Variants in KIDINS220 observed in about 807,000 individuals in gnomAD.
KIDINS220 encodes kinase D interacting substrate 220.
KIDINS220 carries 63 observed loss-of-function variants against 157.6 expected under a neutral mutation model. The ratio of observed to expected loss-of-function variants is 0.40; its 90% confidence interval spans 0.33 to 0.49. The LOEUF is 0.49. Ranked by LOEUF, KIDINS220 falls within the 20% of genes least tolerant of loss-of-function variation. The pLI is 0.66. For missense variants in KIDINS220, 1,772 were observed against 2,171.2 expected (o/e 0.82, Z 3.65); for synonymous variants, 732 against 783.6 (o/e 0.93, Z 1.10).
At chr2:8,743,997 T>C (rs1331358727) in intron 26 of KIDINS220, among the ~76,000 whole-genome samples, 2 of 150,602 alleles carry the variant, frequency 1.3e-5, no homozygotes, top group Non-Finnish European at 3.0e-5. Context: ...TTTAAAAAGC[T>C]AGCATGGAGG....
chr2:8,726,977 T>G, downstream of KIDINS220: 1 of 1,250,816 alleles, frequency 8.0e-7, no homozygotes, highest in Non-Finnish European at 1.0e-6. Flanking sequence ...TATGTAAGAT[T>G]GTAAATTCTC....
chr2:8,745,307 A>G (rs1666386930), intron 26 of KIDINS220, among the ~76,000 whole-genome samples: 3 of 152,232 alleles, frequency 2.0e-5, no homozygotes, highest in Admixed American at 1.3e-4. Flanking sequence ...GCATATAGTG[A>G]TGATGACCCA....
chr2:8,818,708 T>C lies in KIDINS220; in HGVS notation c.194A>G (p.Asn65Ser), dbSNP rs990880102. 9.6e-6 allele frequency: 15 copies of C among 1,569,490 alleles called. No homozygotes were observed. Among genetic ancestry groups the C allele is most frequent in the Non-Finnish European group, 1.2e-5 (14 of 1,142,640 alleles). Residue 65 changes from asparagine (N) to serine (S), a missense_variant, in exon 3 of 30, where the codon AAT becomes AGT. By Grantham distance (46) the Asn-to-Ser change is conservative. Transcript: ENST00000256707. The part of the protein sequence containing the change: ...KELIKNGANC[N>S]LEDLDNWTAL... ...TTTAATATATACCAAATCTTCCAGA[T>C]TGCAGTTAGCTCCATTCTTAATTAA...
chr2:8,754,906 A>C (rs923445800), intron 22 of KIDINS220, among the ~76,000 whole-genome samples: 4 of 152,256 alleles, frequency 2.6e-5, no homozygotes, highest in African/African-American at 9.6e-5. Flanking sequence ...TTTGTTTAAA[A>C]ATTTAAACAG....
In KIDINS220 at chr2:8,730,163, A is replaced by T; in HGVS notation, c.*557T>A. 1 of 985,912 alleles carries T rather than the reference A, an allele frequency of 1.0e-6. No individual in the cohort carries two copies. The highest frequency in any genetic ancestry group is 1.2e-6 in the Non-Finnish European group (1 of 830,430). 61.1% of individuals were successfully genotyped at this position (985,912 alleles called of 1,614,324 possible). ...ATTTTTAAAGCCCTCTTCATTATGT[A>T]CTTCCTACTCTTCAGAACCTCTGTG... On this transcript the variant is annotated 3_prime_UTR_variant, in exon 30 of 30. Coordinates refer to ENST00000256707, the MANE Select transcript of KIDINS220 (RefSeq NM_020738.4).
chr2:8,741,070 A>G (rs1665559007), intron 26 of KIDINS220, among the ~76,000 whole-genome samples: 1 of 152,242 alleles, frequency 6.6e-6, no homozygotes, highest in Non-Finnish European at 1.5e-5. Flanking sequence ...AGGTTTTTAA[A>G]AAGCTGTCTG....
intron 16 of KIDINS220, 82 bp from the exon 17 acceptor site, chr2:8,786,112 G>A: frequency 3.8e-6 from 6 of 1,559,650 alleles, no homozygotes; most frequent in Non-Finnish European, 5.2e-6. Flanking sequence ...TACCTGATGA[G>A]TCTAATGTTC....
chr2:8,816,283 A>G (rs551141172), intron 4 of KIDINS220, among the ~76,000 whole-genome samples: 2 of 152,348 alleles, frequency 1.3e-5, no homozygotes, highest in African/African-American at 2.4e-5. Context: ...ATGTAAAACA[A>G]TGATAGAGGA....
In KIDINS220 at chr2:8,804,985, T is replaced by G. The variant is rs182111128; in HGVS notation, c.603+1286A>C. Among the ~76,000 whole-genome samples, 731 of 152,272 alleles carry G rather than the reference T, an allele frequency of 4.8e-3. 7 individuals carry two copies. Among genetic ancestry groups the G allele is most frequent in the Admixed American group, 9.3e-3 (142 of 15,290 alleles). The stretch of plus-strand genomic sequence containing the variant: ...TCAGGTTGTCTGACTGGCTGTAAAT[T>G]GGAGCTCCCACAACCCCCTCCTTGG... On this transcript the variant is annotated intron_variant, in intron 7 of 29. Coordinates refer to ENST00000256707, the MANE Select transcript of KIDINS220 (RefSeq NM_020738.4).
Position 8,770,653 on chromosome 2 carries a change from G to A in KIDINS220, c.3011+17C>T. The A allele has an allele frequency of 1.5e-6, 2 of 1,359,724 alleles. No individual in the cohort carries two copies. The highest frequency in any genetic ancestry group is 2.5e-5 in the East Asian group (1 of 40,414). The allele number at this position is 1,359,724 out of a possible 1,614,324, so 84.2% of individuals were successfully genotyped here. ...AACCTAAAATAAAGTAAAATACAAA[G>A]AGGTCACAAAAGGTACCTTTCGTAG... On this transcript the variant is annotated intron_variant, in intron 22 of 29. Coordinates refer to ENST00000256707, the MANE Select transcript of KIDINS220 (RefSeq NM_020738.4).
intron 22 of KIDINS220, among the ~76,000 whole-genome samples, chr2:8,768,599 C>T (rs1669774465): frequency 6.6e-6 from 1 of 152,120 alleles, no homozygotes; most frequent in African/African-American, 2.4e-5. Flanking sequence ...AATTTTACTA[C>T]TAGCGTTAAA....
chr2:8,754,739 A>C (rs1667786584), intron 22 of KIDINS220, among the ~76,000 whole-genome samples: 1 of 152,248 alleles, frequency 6.6e-6, no homozygotes, highest in African/African-American at 2.4e-5. Flanking sequence ...ATTCAAAATG[A>C]GGTTTTAAAT....
chr2:8,790,157 T>C, intron 13 of KIDINS220, 98 bp from the exon 14 acceptor site: 1 of 1,109,784 alleles, frequency 9.0e-7, no homozygotes, highest in Non-Finnish European at 1.3e-6. Context: ...TGTAAACATT[T>C]ATTGGACACT....
intron 19 of KIDINS220, 55 bp downstream of exon 19, chr2:8,778,841 A>G: frequency 6.2e-7 from 1 of 1,605,656 alleles, no homozygotes. Context: ...GAGTCGCCAT[A>G]AAGAAACTAC....
intron 2 of KIDINS220, among the ~76,000 whole-genome samples, chr2:8,819,213 A>C (rs1203714019): frequency 6.6e-6 from 1 of 152,258 alleles, no homozygotes; most frequent in Non-Finnish European, 1.5e-5. Flanking sequence ...GACGAGAAGA[A>C]GAAAAGTAAA....
intron 8 of KIDINS220, among the ~76,000 whole-genome samples, chr2:8,802,153 G>A (rs1051777730): frequency 6.6e-6 from 1 of 152,174 alleles, no homozygotes; most frequent in Non-Finnish European, 1.5e-5. Flanking sequence ...GAGAGGTTGG[G>A]CAAAGACAAT....
chr2:8,813,214 CA>C, intron 5 of KIDINS220, 22 bp downstream of exon 5: 1 of 1,568,470 alleles, frequency 6.4e-7, no homozygotes, highest in Non-Finnish European at 8.7e-7. Context: ...ATAATACAAA[CA>C]AATTTTTTTG....
downstream of KIDINS220, chr2:8,727,299 G>C: frequency 3.8e-6 from 4 of 1,040,952 alleles, no homozygotes; most frequent in Non-Finnish European, 4.7e-6. Flanking sequence ...AAGGAGGCTC[G>C]ATGCTCAGTC....
chr2:8,754,771 A>T (rs1391653295), intron 22 of KIDINS220, among the ~76,000 whole-genome samples: 1 of 152,248 alleles, frequency 6.6e-6, no homozygotes. Flanking sequence ...TTTCTATTTT[A>T]AATCAAAATA....
Sources: gnomAD v4.1 joint callset for allele counts (sites outside exome capture counted in the v4.1 genomes callset) on GRCh38, gnomAD v4.1.1 for gene constraint, MANE v1.5 for transcripts, NCBI Gene and HGNC (gene_info 2026-07-23, HGNC 2026-07-21) for gene names.